The following SLC25A21 variants were observed in gnomAD, a reference collection of about 807,000 sequenced individuals.
SLC25A21 encodes the protein mitochondrial 2-oxodicarboxylate carrier.
Under a neutral mutation model 43.8 loss-of-function variants are expected in SLC25A21, and 47 were observed. That is an observed-to-expected ratio of 1.07 (90% CI 0.85 to 1.37). The LOEUF (loss-of-function observed/expected upper bound fraction) is 1.37. Ranked by LOEUF, SLC25A21 falls within the 40% of genes most tolerant of loss-of-function variation. The pLI is 0.00. For missense variants in SLC25A21, 352 were observed against 350.2 expected (o/e 1.00, Z -0.04); for synonymous variants, 131 against 121.3 (o/e 1.08, Z -0.52).
chr14:37,159,875 G>C (rs1963910214), intron 1 of SLC25A21, among the ~76,000 whole-genome samples: 1 of 151,870 alleles, frequency 6.6e-6, no homozygotes, highest in Non-Finnish European at 1.5e-5. Context: ...AACTCAAAAG[G>C]ACAAAGATAA....
chr14:37,141,591 A>G (rs1963571053), intron 1 of SLC25A21, among the ~76,000 whole-genome samples: 1 of 152,140 alleles, frequency 6.6e-6, no homozygotes, highest in South Asian at 2.1e-4. Context: ...TTCAAATTTG[A>G]GTTACCGGCT....
At chr14:36,734,744 T>C (rs956138559) in intron 3 of SLC25A21, among the ~76,000 whole-genome samples, 171 bp from the exon 4 acceptor site, 2 of 152,244 alleles carry the variant, frequency 1.3e-5, no homozygotes, top group Non-Finnish European at 2.9e-5. Flanking sequence ...ATTAGCATTA[T>C]GATATTCAGA....
chr14:37,051,933 C>T (rs1236911497), intron 1 of SLC25A21, among the ~76,000 whole-genome samples: 2 of 152,118 alleles, frequency 1.3e-5, no homozygotes, highest in African/African-American at 4.8e-5. Flanking sequence ...CGGCAGCCGG[C>T]GGGCACACAA....
intron 3 of SLC25A21, among the ~76,000 whole-genome samples, chr14:36,776,917 A>G (rs11846634): frequency 0.019 from 2,937 of 152,230 alleles, 107 homozygotes; most frequent in African/African-American, 0.067. Flanking sequence ...TTGTTGGCTC[A>G]TGCTTCCTGA....
chr14:36,825,833 T>C (rs1013849433), intron 2 of SLC25A21, among the ~76,000 whole-genome samples: 4 of 152,174 alleles, frequency 2.6e-5, no homozygotes, highest in African/African-American at 9.7e-5. Context: ...AAGAGTTAAA[T>C]CTCCTCCTTT....
At chr14:37,120,521 G>C (rs1243647439) in intron 1 of SLC25A21, among the ~76,000 whole-genome samples, 2 of 152,142 alleles carry the variant, frequency 1.3e-5, no homozygotes, top group African/African-American at 4.8e-5. Context: ...TAGAAAGAAA[G>C]AACACCAAAA....
chr14:36,795,153 G>A lies in SLC25A21; in HGVS notation c.203+18765C>T, dbSNP rs141727117. 1.4e-4 allele frequency among the ~76,000 whole-genome samples: 21 copies of A among 152,230 alleles called. No homozygotes were observed. In the East Asian group the frequency reaches 4.1e-3, roughly 29 times the overall value. On this transcript the variant is annotated intron_variant, in intron 3 of 9. Transcript: ENST00000331299. ...ATAAATTGCTCTTTTTGTTATGGAG[G>A]CTTTAGAGAACATTTCTCTTTAAAA...
chr14:37,022,624 T>C (rs1328304557), intron 1 of SLC25A21, among the ~76,000 whole-genome samples: 2 of 152,020 alleles, frequency 1.3e-5, no homozygotes, highest in African/African-American at 4.8e-5. Flanking sequence ...TCTACGAGTT[T>C]TGCTTTGAGT....
At chr14:36,896,848 A>G (rs1891253732) in intron 1 of SLC25A21, among the ~76,000 whole-genome samples, 1 of 152,166 alleles carries the variant, frequency 6.6e-6, no homozygotes, top group Admixed American at 6.5e-5. Flanking sequence ...CTTTTCTTTA[A>G]GAATGTTGAA....
At chr14:37,154,592 G>A (rs1017199537) in intron 1 of SLC25A21, among the ~76,000 whole-genome samples, 7 of 150,246 alleles carry the variant, frequency 4.7e-5, no homozygotes, top group African/African-American at 1.5e-4. Context: ...TCAGTACAAA[G>A]ACAACAGAAA....
At chr14:36,885,905 C>G (rs530730763) in intron 1 of SLC25A21, among the ~76,000 whole-genome samples, 1 of 152,106 alleles carries the variant, frequency 6.6e-6, no homozygotes, top group East Asian at 1.9e-4. Flanking sequence ...TTGATGTTTT[C>G]GAATTAAATC....
intron 2 of SLC25A21, among the ~76,000 whole-genome samples, chr14:36,823,873 T>C (rs1888724579): frequency 6.6e-6 from 1 of 152,178 alleles, no homozygotes. Flanking sequence ...CAAAACACCA[T>C]CCTTACCTGT....
At chr14:36,912,636 T>C (rs1891722503) in intron 1 of SLC25A21, among the ~76,000 whole-genome samples, 2 of 152,234 alleles carry the variant, frequency 1.3e-5, no homozygotes, top group East Asian at 1.9e-4. Flanking sequence ...TAAGAGTTTA[T>C]ACACAAACAT....
rs373458650 is a variant in SLC25A21 at position 37,065,043 on chromosome 14, AAAAC to A, written c.70+107234_70+107237del. Among the ~76,000 whole-genome samples the A allele has an allele frequency of 6.4e-3, 968 of 152,334 alleles. 11 individuals are homozygous for A. Among genetic ancestry groups the A allele is most frequent in the African/African-American group, 0.02 (835 of 41,576 alleles). ...ATTTGGAAAAGACTGACAGGAAAAC[AAAAC>A]AAACAAACCATACAATGAAGTGAAA... is the stretch of plus-strand genomic sequence containing the variant. On this transcript the variant is annotated intron_variant, in intron 1 of 9. Coordinates refer to ENST00000331299, the MANE Select transcript of SLC25A21 (RefSeq NM_030631.4).
chr14:37,144,146 T>C (rs543609338), intron 1 of SLC25A21, among the ~76,000 whole-genome samples: 4 of 152,314 alleles, frequency 2.6e-5, no homozygotes, highest in African/African-American at 4.8e-5. Flanking sequence ...ATAATGTCAC[T>C]GTCAAATCTT....
intron 1 of SLC25A21, among the ~76,000 whole-genome samples, chr14:37,010,282 A>G (rs2138737771): frequency 6.6e-6 from 1 of 152,356 alleles, no homozygotes; most frequent in South Asian, 2.1e-4. Flanking sequence ...TATGTGTGTG[A>G]AGAAACTAAT....
intron 3 of SLC25A21, among the ~76,000 whole-genome samples, chr14:36,801,690 TGTCTTTCAAAATCCTA>T: frequency 6.6e-6 from 1 of 152,212 alleles, no homozygotes; most frequent in African/African-American, 2.4e-5. Flanking sequence ...TCTATAATAT[TGTCTTTCAAAATCCTA>T]ACTCAAACTG....
chr14:36,957,137 T>C (rs774494485), intron 1 of SLC25A21, among the ~76,000 whole-genome samples: 4 of 152,226 alleles, frequency 2.6e-5, no homozygotes, highest in Non-Finnish European at 5.9e-5. Flanking sequence ...CTCATTACTT[T>C]AGAGACACAG....
chr14:37,154,258 T>C (rs1963808096), intron 1 of SLC25A21, among the ~76,000 whole-genome samples: 1 of 152,024 alleles, frequency 6.6e-6, no homozygotes, highest in Non-Finnish European at 1.5e-5. Context: ...CAGATATCAC[T>C]AATCCTGTTT....
Sources: gnomAD v4.1 joint callset for allele counts (sites outside exome capture counted in the v4.1 genomes callset) on GRCh38, gnomAD v4.1.1 for gene constraint, MANE v1.5 for transcripts, NCBI Gene and HGNC (gene_info 2026-07-23, HGNC 2026-07-21) for gene names.